Variants in TNFSF9 observed in about 807,000 individuals in gnomAD.
TNFSF9 encodes the protein tumor necrosis factor ligand superfamily member 9.
In TNFSF9, 10 loss-of-function variants were observed where a neutral mutation model predicts 10.3. The observed-to-expected ratio is 0.97, with a 90% CI of 0.60 to 1.65. The LOEUF (loss-of-function observed/expected upper bound fraction) is 1.65. Among genes scored for constraint, TNFSF9 ranks in the 40% most tolerant of loss-of-function variants. TNFSF9 has a pLI of 0.00. For missense variants in TNFSF9, 361 were observed against 348.9 expected (o/e 1.03, Z -0.28); for synonymous variants, 195 against 176.1 (o/e 1.11, Z -0.85).
Position 6,535,018 on chromosome 19 carries a change from G to T in TNFSF9, c.717G>T (p.Arg239=). 6.3e-7 allele frequency: 1 copy of T among 1,590,262 alleles called. No homozygotes were observed. Residue 239 remains arginine (R), a synonymous_variant, in exon 3 of 3, where the codon CGG becomes CGT. Coordinates refer to ENST00000245817, the MANE Select transcript of TNFSF9 (RefSeq NM_003811.4). ...GCGCCACAGTCTTGGGACTCTTCCGGGTGACCCCCGAAATCCCAGCCGGAC... is the reference window on the plus strand; with the variant it reads ...GCGCCACAGTCTTGGGACTCTTCCGTGTGACCCCCGAAATCCCAGCCGGAC... ...TQGATVLGLF[R]VTPEIPAGLP...
intron 1 of TNFSF9, among the ~76,000 whole-genome samples, chr19:6,531,675 G>C (rs1418860380): frequency 6.6e-6 from 1 of 151,202 alleles, no homozygotes; most frequent in Non-Finnish European, 1.5e-5. Context: ...AGTTCTTTTT[G>C]GACCTCCAAG....
In TNFSF9 at chr19:6,531,091, C is replaced by T; in HGVS notation, c.55C>T (p.Pro19Ser). The T allele has an allele frequency of 2.5e-6, 4 of 1,610,886 alleles. No individual in the cohort carries two copies. The highest frequency in any genetic ancestry group is 3.4e-6 in the Non-Finnish European group (4 of 1,179,036). The stretch of plus-strand genomic sequence containing the variant: ...CCCCGAAGCCCCGTGGCCTCCCGCG[C>T]CCCGCGCTCGCGCCTGCCGCGTACT... ...LDPEAPWPPA[P>S]RARACRVLPW... The change falls in exon 1 of 3, where the codon CCC becomes TCC. Residue 19 changes from proline to serine, a missense_variant. By Grantham distance (74) the Pro-to-Ser change is moderately conservative. Coordinates refer to ENST00000245817, the MANE Select transcript of TNFSF9 (RefSeq NM_003811.4).
chr19:6,531,811 G>C (rs1270965140), intron 1 of TNFSF9, among the ~76,000 whole-genome samples: 1 of 151,998 alleles, frequency 6.6e-6, no homozygotes, highest in African/African-American at 2.4e-5. Context: ...TACGTCTTCT[G>C]CACCCCGGGT....
In TNFSF9 at chr19:6,534,425, C is replaced by G. The variant is rs1007838692; in HGVS notation, c.299-175C>G. Among the ~76,000 whole-genome samples, 280 of 144,672 alleles carry G rather than the reference C, an allele frequency of 1.9e-3. 3 individuals are homozygous for G. Among genetic ancestry groups the G allele is most frequent in the African/African-American group, 6.8e-3 (266 of 38,876 alleles). The allele number at this position is 144,672 out of a possible 152,430, so 94.9% of individuals were successfully genotyped here. ...ATCAGCACCCCCCCAACGCCCCCCC[C>G]ACCCAGGCTCCCCGCTCTGCTCCCC... is the stretch of plus-strand genomic sequence containing the variant. On this transcript the variant is annotated intron_variant, in intron 2 of 2. Coordinates refer to ENST00000245817, the MANE Select transcript of TNFSF9 (RefSeq NM_003811.4).
In TNFSF9 at chr19:6,532,818, T is replaced by C. The variant is rs1915178132; in HGVS notation, c.298+2T>C. ...TTGCGCAGCTGGTGGCCCAAAATGGTAAGTATCCTCCGCCACTTCCGGTCC... is the reference window on the plus strand; with the variant it reads ...TTGCGCAGCTGGTGGCCCAAAATGGCAAGTATCCTCCGCCACTTCCGGTCC... On this transcript the variant is annotated splice_donor_variant, in intron 2 of 2. Coordinates refer to ENST00000245817, the MANE Select transcript of TNFSF9 (RefSeq NM_003811.4). LOFTEE classifies it high-confidence loss of function. 8 of 1,613,642 alleles carry C rather than the reference T, an allele frequency of 5.0e-6. No individual in the cohort carries two copies. Among genetic ancestry groups the C allele is most frequent in the Non-Finnish European group, 5.9e-6 (7 of 1,179,800 alleles).
In TNFSF9 at chr19:6,534,663, C is replaced by CG. The variant is rs951407455; in HGVS notation, c.368dup (p.Leu124ProfsTer96). 1.9e-6 allele frequency: 3 copies of CG among 1,590,410 alleles called. No individual in the cohort carries two copies. The highest frequency in any genetic ancestry group is 8.6e-7 in the Non-Finnish European group (1 of 1,169,094). Reference sequence around the variant, plus strand: ...CCAGGCCTGGCAGGCGTGTCCCTGACGGGGGGCCTGAGCTACAAAGAGGAC... The same window carrying CG: ...CCAGGCCTGGCAGGCGTGTCCCTGACGGGGGGGCCTGAGCTACAAAGAGGAC... On this transcript the variant is annotated frameshift_variant, in exon 3 of 3. Transcript: ENST00000245817. LOFTEE classifies it low-confidence loss of function (END_TRUNC).
intron 2 of TNFSF9, 106 bp downstream of exon 2, chr19:6,532,922 G>T: frequency 6.7e-7 from 1 of 1,502,796 alleles, no homozygotes. Context: ...CACTGGCTTT[G>T]ACCCTTGACC....
At chr19:6,531,468 G>C (rs1915145295) in intron 1 of TNFSF9, among the ~76,000 whole-genome samples, 165 bp downstream of exon 1, 1 of 151,952 alleles carries the variant, frequency 6.6e-6, no homozygotes, top group Admixed American at 6.6e-5. Flanking sequence ...ACCGAGGCCG[G>C]GGGGGCACAC....
intron 1 of TNFSF9, among the ~76,000 whole-genome samples, 188 bp from the exon 2 acceptor site, chr19:6,532,598 T>C (rs954205408): frequency 4.0e-5 from 6 of 151,264 alleles, no homozygotes; most frequent in African/African-American, 9.8e-5. Context: ...CGTTTGTGTT[T>C]GTGTTCGTGT....
At chr19:6,532,737 A>AT in intron 1 of TNFSF9, 49 bp from the exon 2 acceptor site, 1 of 1,613,472 alleles carries the variant, frequency 6.2e-7, no homozygotes, top group Non-Finnish European at 8.5e-7. Context: ...CAGAACCTCC[A>AT]TTTTCTAGGG....
chr19:6,532,047 C>G (rs1181281832), intron 1 of TNFSF9, among the ~76,000 whole-genome samples: 2 of 152,170 alleles, frequency 1.3e-5, no homozygotes, highest in African/African-American at 4.8e-5. Context: ...TTTCCATCCC[C>G]GATCCGAGGG....
chr19:6,531,377 C>T, intron 1 of TNFSF9, 74 bp downstream of exon 1: 1 of 1,377,970 alleles, frequency 7.3e-7, no homozygotes. Flanking sequence ...TCCCTTCTCC[C>T]TCCCGCACCC....
chr19:6,531,259 G>T lies in TNFSF9; in HGVS notation c.223G>T (p.Glu75Ter). ...CAGCCCGAGACTCCGCGAGGGTCCC[G>T]AGCTTTCGCCCGACGATCCCGCCGG... ...AASPRLREGP[E>*]LSPDDPAGLL... Residue 75 changes from glutamate to a stop codon, truncating the protein, a stop_gained, in exon 1 of 3, where the codon GAG becomes TAG. Transcript: ENST00000245817. LOFTEE classifies it high-confidence loss of function. 6.6e-7 allele frequency: 1 copy of T among 1,516,724 alleles called. No individual in the cohort carries two copies. The highest frequency in any genetic ancestry group is 8.8e-7 in the Non-Finnish European group (1 of 1,141,078). The allele number at this position is 1,516,724 out of a possible 1,614,324, so 94.0% of individuals were successfully genotyped here.
chr19:6,533,037 C>T (rs1915182532), intron 2 of TNFSF9, among the ~76,000 whole-genome samples: 1 of 152,024 alleles, frequency 6.6e-6, no homozygotes, highest in African/African-American at 2.4e-5. Context: ...ATCAGACCCC[C>T]ATCTGGGCCC....
At chr19:6,532,329 G>T (rs1915164859) in intron 1 of TNFSF9, among the ~76,000 whole-genome samples, 2 of 150,286 alleles carry the variant, frequency 1.3e-5, no homozygotes, top group African/African-American at 4.9e-5. Context: ...GTGTTCGTGT[G>T]TGTGTGTTCG....
At chr19:6,534,111 T>G (rs1045877737) in intron 2 of TNFSF9, among the ~76,000 whole-genome samples, 2 of 124,188 alleles carry the variant, frequency 1.6e-5, no homozygotes, top group African/African-American at 6.2e-5. Context: ...CGAGATCTGC[T>G]GCTCCCTCCA....
At chr19:6,531,452 T>C (rs1449117382) in intron 1 of TNFSF9, 149 bp downstream of exon 1, 1 of 1,184,062 alleles carries the variant, frequency 8.4e-7, no homozygotes, top group Non-Finnish European at 1.1e-6. Context: ...CCATTCTCCA[T>C]CTAGCACCGA....
chr19:6,533,721 T>A (rs1309673825), intron 2 of TNFSF9, among the ~76,000 whole-genome samples: 2 of 164 alleles, frequency 0.012, no homozygotes, highest in Non-Finnish European at 0.023. Context: ...CCCTCCAGAG[T>A]CCCCTTCCCC....
chr19:6,532,700 G>T, intron 1 of TNFSF9, 86 bp from the exon 2 acceptor site: 1 of 1,598,964 alleles, frequency 6.3e-7, no homozygotes, highest in Non-Finnish European at 8.6e-7. Context: ...AGACTCTGGG[G>T]ACCCTGACAG....
Sources: allele counts gnomAD v4.1 joint callset (sites outside exome capture counted in the v4.1 genomes callset), GRCh38; gene constraint gnomAD v4.1.1; transcripts MANE v1.5; gene names NCBI Gene and HGNC (gene_info 2026-07-23, HGNC 2026-07-21).